The following WWOX variants were observed in gnomAD, a reference collection of about 807,000 sequenced individuals.
WWOX encodes WW domain containing oxidoreductase.
In WWOX, 69 loss-of-function variants were observed where a neutral mutation model predicts 46.2. That is an observed-to-expected ratio of 1.49 (90% CI 1.23 to 1.82). The LOEUF (loss-of-function observed/expected upper bound fraction) is 1.82. WWOX is among the 40% of genes most tolerant of loss of function. The pLI, the probability that WWOX is intolerant of heterozygous loss-of-function variation, is 0.00. For missense variants in WWOX, 919 were observed against 542.6 expected (o/e 1.69, Z -6.89); for synonymous variants, 359 against 202.6 (o/e 1.77, Z -6.56).
chr16:78,722,958 C>T (rs1163766487), intron 8 of WWOX, among the ~76,000 whole-genome samples: 2 of 152,080 alleles, frequency 1.3e-5, no homozygotes, highest in African/African-American at 4.8e-5. Flanking sequence ...AGGAAGATTG[C>T]TTGAGCCCAG....
chr16:78,321,317 TATATATATACGTATATATGC>T lies in WWOX; in HGVS notation c.517-65542_517-65523del, dbSNP rs1567499077. Among the ~76,000 whole-genome samples the T allele has an allele frequency of 1.5e-4, 14 of 92,498 alleles. 1 individual carries two copies. Among genetic ancestry groups the T allele is most frequent in the Admixed American group, 5.4e-4 (5 of 9,218 alleles). The allele number at this position is 92,498 out of a possible 152,430, so 60.7% of individuals were successfully genotyped here. A position where few individuals can be genotyped will look rare whatever the true frequency, so the allele number is the denominator to read the frequency against. On this transcript the variant is annotated intron_variant, in intron 5 of 8. Coordinates refer to ENST00000566780, the MANE Select transcript of WWOX (RefSeq NM_016373.4). ...GTATATATATACGTATATATATGCG[TATATATATACGTATATATGC>T]GTATATATATACGTATATATGCGTA...
chr16:78,707,872 A>C (rs2048356840), intron 8 of WWOX, among the ~76,000 whole-genome samples: 1 of 151,528 alleles, frequency 6.6e-6, no homozygotes, highest in South Asian at 2.1e-4. Flanking sequence ...TAAATAAATA[A>C]ATAAATAAAT....
At chr16:78,503,550 A>G (rs970303370) in intron 8 of WWOX, 14 of 152,224 alleles carry the variant, frequency 9.2e-5, no homozygotes, top group Non-Finnish European at 1.8e-4. Context: ...CTCTAAAAGC[A>G]TAATTGATGT....
intron 8 of WWOX, among the ~76,000 whole-genome samples, chr16:78,844,952 C>T (rs1479443158): frequency 6.6e-6 from 1 of 152,120 alleles, no homozygotes; most frequent in Non-Finnish European, 1.5e-5. Context: ...AAAGACTGGC[C>T]TATTGAGGCA....
Position 78,849,189 on chromosome 16 carries a change from A to T in WWOX, c.1057-362419A>T, listed in dbSNP as rs542898817. ...GTTCTGCCCAAACATACAAGAGTCAATGTAAGTCTCTGGGAGCACTCACCT... is the reference window on the plus strand; with the variant it reads ...GTTCTGCCCAAACATACAAGAGTCATTGTAAGTCTCTGGGAGCACTCACCT... On this transcript the variant is annotated intron_variant, in intron 8 of 8. Transcript: ENST00000566780. Among the ~76,000 whole-genome samples the T allele has an allele frequency of 3.9e-5, 6 of 152,266 alleles. No individual in the cohort carries two copies. The South Asian group carries it at 1.2e-3, about 32-fold the overall frequency.
intron 8 of WWOX, among the ~76,000 whole-genome samples, chr16:78,532,515 T>A (rs2043646950): frequency 6.6e-6 from 1 of 152,214 alleles, no homozygotes; most frequent in African/African-American, 2.4e-5. Flanking sequence ...ACAGCAGGCA[T>A]AGTTACTGGG....
At chr16:78,761,837 C>G (rs559180822) in intron 8 of WWOX, among the ~76,000 whole-genome samples, 1 of 152,066 alleles carries the variant, frequency 6.6e-6, no homozygotes, top group Admixed American at 6.6e-5. Context: ...AAAGCTGACC[C>G]GACATAGACT....
intron 8 of WWOX, among the ~76,000 whole-genome samples, chr16:79,068,378 G>A (rs2048480903): frequency 6.6e-6 from 1 of 152,108 alleles, no homozygotes. Flanking sequence ...GTGGTAAGGT[G>A]CAGTCAGGAC....
intron 8 of WWOX, among the ~76,000 whole-genome samples, chr16:78,513,381 G>C (rs1366909490): frequency 6.6e-6 from 1 of 152,192 alleles, no homozygotes; most frequent in East Asian, 1.9e-4. Flanking sequence ...TAATGATTGA[G>C]ATAGGGTATC....
At chr16:78,452,951 C>T (rs1325936154) in intron 8 of WWOX, among the ~76,000 whole-genome samples, 1 of 149,802 alleles carries the variant, frequency 6.7e-6, no homozygotes, top group Non-Finnish European at 1.5e-5. Context: ...TGGCTCACTG[C>T]AGCCTCATGA....
At chr16:78,136,775 CAA>C (rs2033805155) in intron 4 of WWOX, among the ~76,000 whole-genome samples, 1 of 152,144 alleles carries the variant, frequency 6.6e-6, no homozygotes. Context: ...AATGGAAGAC[CAA>C]AACATCACCT....
At chr16:78,769,087 T>C (rs1044256842) in intron 8 of WWOX, among the ~76,000 whole-genome samples, 3 of 152,242 alleles carry the variant, frequency 2.0e-5, no homozygotes, top group Non-Finnish European at 4.4e-5. Flanking sequence ...CAAGGCCATC[T>C]TTATAAGGCT....
chr16:78,510,866 C>T (rs1238136209), intron 8 of WWOX, among the ~76,000 whole-genome samples: 1 of 152,210 alleles, frequency 6.6e-6, no homozygotes, highest in Non-Finnish European at 1.5e-5. Context: ...GGATGCATGA[C>T]CTGTGCAATG....
At chr16:78,520,622 G>T (rs553467333) in intron 8 of WWOX, among the ~76,000 whole-genome samples, 1 of 152,158 alleles carries the variant, frequency 6.6e-6, no homozygotes, top group South Asian at 2.1e-4. Flanking sequence ...GACTGGGAGT[G>T]GGGTGGGGTG....
At chr16:79,120,666 C>T (rs929435905) in intron 8 of WWOX, among the ~76,000 whole-genome samples, 7 of 152,188 alleles carry the variant, frequency 4.6e-5, no homozygotes, top group South Asian at 2.1e-4. Context: ...CTTCAGGTCG[C>T]GGTAAGCATT....
chr16:79,059,363 C>CT (rs1285917396), intron 8 of WWOX, among the ~76,000 whole-genome samples: 8 of 152,222 alleles, frequency 5.3e-5, no homozygotes, highest in Non-Finnish European at 1.0e-4. Flanking sequence ...TTCTCAAACA[C>CT]TTTAACAATC....
At chr16:78,817,395 A>G (rs1370546106) in intron 8 of WWOX, among the ~76,000 whole-genome samples, 1 of 152,050 alleles carries the variant, frequency 6.6e-6, no homozygotes, top group Non-Finnish European at 1.5e-5. Flanking sequence ...TGCCAGAAGC[A>G]TTTGCCTCCT....
At chr16:78,698,091 A>G (rs765710133) in intron 8 of WWOX, among the ~76,000 whole-genome samples, 6 of 152,180 alleles carry the variant, frequency 3.9e-5, no homozygotes, top group Non-Finnish European at 8.8e-5. Flanking sequence ...TGTTGTCATC[A>G]TGTATATATT....
intron 8 of WWOX, among the ~76,000 whole-genome samples, chr16:78,731,916 C>T (rs2048979979): frequency 6.8e-6 from 1 of 147,426 alleles, no homozygotes; most frequent in Non-Finnish European, 1.5e-5. Flanking sequence ...GGTGCCTTCA[C>T]AGCTCTTTGC....
Sources: allele counts gnomAD v4.1 joint callset (sites outside exome capture counted in the v4.1 genomes callset), GRCh38; gene constraint gnomAD v4.1.1; transcripts MANE v1.5; gene names NCBI Gene and HGNC (gene_info 2026-07-23, HGNC 2026-07-21).